Variants in CACNA1C observed in about 807,000 individuals in gnomAD.
CACNA1C encodes the protein calcium voltage-gated channel subunit alpha1 C, also known as voltage-dependent L-type calcium channel subunit alpha-1C.
A neutral mutation model predicts 229.0 loss-of-function variants in CACNA1C; 30 were observed. The observed-to-expected ratio is 0.13, with a 90% CI of 0.10 to 0.18. The LOEUF (loss-of-function observed/expected upper bound fraction) is 0.18, where lower values mean the gene tolerates loss of function less well. Among genes scored for constraint, CACNA1C ranks in the 10% least tolerant of loss-of-function variants. CACNA1C has a pLI of 1.00. For missense variants in CACNA1C, 1,658 were observed against 2,845.0 expected, an observed-to-expected ratio of 0.58 and a Z score of 9.49; for synonymous variants, 1,114 against 1,132.5, an observed-to-expected ratio of 0.98 and a Z score of 0.33.
intron 3 of CACNA1C, among the ~76,000 whole-genome samples, chr12:2,219,832 A>G (rs943911944): frequency 2.0e-5 from 3 of 152,160 alleles, no homozygotes; most frequent in Non-Finnish European, 4.4e-5. Flanking sequence ...GAGTAAGGAA[A>G]TACAAGCAGC....
At chr12:2,268,388 C>T (rs1043759573) in intron 3 of CACNA1C, among the ~76,000 whole-genome samples, 8 of 152,186 alleles carry the variant, frequency 5.3e-5, no homozygotes, top group Non-Finnish European at 1.2e-4. Context: ...ATCGACTTAT[C>T]CAAGGCCTGG....
chr12:2,365,834 C>G (rs904547055), intron 3 of CACNA1C, among the ~76,000 whole-genome samples: 1 of 152,162 alleles, frequency 6.6e-6, no homozygotes, highest in African/African-American at 2.4e-5. Flanking sequence ...AGTGGAATTC[C>G]TACCAGTGGG....
chr12:2,152,232 T>C lies in CACNA1C; in HGVS notation c.477+31802T>C, dbSNP rs377575215. 2.0e-5 allele frequency among the ~76,000 whole-genome samples: 3 copies of C among 152,238 alleles called. No homozygotes were observed. Among genetic ancestry groups the C allele is most frequent in the Middle Eastern group, 3.2e-3 (1 of 316 alleles). On this transcript the variant is annotated intron_variant, in intron 3 of 46. Coordinates refer to ENST00000399655, the MANE Select transcript of CACNA1C (RefSeq NM_000719.7). The surrounding 1 kb of genome is among the most constrained non-coding windows in gnomAD (Gnocchi z 4.2). ...AGAAATGACTGTTACCCAGTGTCTG[T>C]TCTCTACCTCTTTCATAGGGATAGA...
rs1172657912 is a variant in CACNA1C, at chr12:2,605,258, A to G, written c.3048+90A>G. On this transcript the variant is annotated intron_variant, in intron 23 of 46. Transcript: ENST00000399655. The surrounding 1 kb of genome is among the most constrained non-coding windows in gnomAD (Gnocchi z 6.2). The stretch of plus-strand genomic sequence containing the variant: ...GTGAGGGGTGGGTTGGAAGGAGATG[A>G]TGGTCAGACCAAGTGGCTGCCATGT... 3 of 890,340 alleles carry G rather than the reference A, an allele frequency of 3.4e-6. No homozygotes were observed. In the East Asian group the frequency reaches 7.5e-5, roughly 22 times the overall value. 55.2% of individuals were successfully genotyped at this position (890,340 alleles called of 1,614,324 possible).
At chr12:2,591,092 T>C (rs2065088766) in intron 18 of CACNA1C, among the ~76,000 whole-genome samples, 1 of 152,216 alleles carries the variant, frequency 6.6e-6, no homozygotes, top group Non-Finnish European at 1.5e-5. Context: ...GCTGGTCAGC[T>C]CTAATTACCC....
intron 1 of CACNA1C, among the ~76,000 whole-genome samples, chr12:2,028,437 C>T (rs1435284177): frequency 6.6e-6 from 1 of 152,208 alleles, no homozygotes; most frequent in Non-Finnish European, 1.5e-5. Flanking sequence ...TTATAATCTG[C>T]TCAAAGTCAC....
At chr12:2,311,385 G>A (rs990916537) in intron 3 of CACNA1C, among the ~76,000 whole-genome samples, 1 of 152,182 alleles carries the variant, frequency 6.6e-6, no homozygotes. Context: ...AGGCCTGCAA[G>A]CCTGCAATTA....
At chr12:2,379,774 G>A (rs528254400) in intron 3 of CACNA1C, among the ~76,000 whole-genome samples, 28 of 152,154 alleles carry the variant, frequency 1.8e-4, no homozygotes, top group African/African-American at 5.8e-4. Flanking sequence ...GCTCACGCCT[G>A]TAATCCCAGC....
In CACNA1C at chr12:2,486,092, C is replaced by G. The variant is rs2099696286; in HGVS notation, c.758-12C>G. The G allele has an allele frequency of 1.9e-6, 3 of 1,587,442 alleles. No homozygotes were observed. The highest frequency in any genetic ancestry group is 2.6e-6 in the Non-Finnish European group (3 of 1,165,024). ...GTGATGCTTGGTTCAGTGAGTGGCT[C>G]TGTCCCCGCAGGTCTCCAGGTGGTC... is the stretch of plus-strand genomic sequence containing the variant. On this transcript the variant is annotated splice_polypyrimidine_tract_variant and intron_variant, in intron 5 of 46. Transcript: ENST00000399655. This position sits in a 1 kb window ranked among gnomAD's most constrained non-coding sequence, Gnocchi z 4.9.
intron 3 of CACNA1C, among the ~76,000 whole-genome samples, chr12:2,164,990 G>C (rs1310078460): frequency 1.3e-5 from 2 of 152,222 alleles, no homozygotes; most frequent in Admixed American, 1.3e-4. Flanking sequence ...TTTTAAGACA[G>C]TGCCTTTATC....
intron 3 of CACNA1C, among the ~76,000 whole-genome samples, chr12:2,294,935 T>C (rs750492936): frequency 2.0e-5 from 3 of 152,164 alleles, no homozygotes; most frequent in Admixed American, 6.5e-5. Flanking sequence ...AGTGAAGCAA[T>C]GCTGTGCGCA....
At chr12:1,976,118 G>A (rs2154461024) in intron 1 of CACNA1C, among the ~76,000 whole-genome samples, 1 of 152,274 alleles carries the variant, frequency 6.6e-6, no homozygotes, top group South Asian at 2.1e-4. Context: ...TTAGAGTTTA[G>A]ATCCCTTCCT....
intron 1 of CACNA1C, among the ~76,000 whole-genome samples, chr12:2,101,461 C>T (rs2076384538): frequency 6.6e-6 from 1 of 152,194 alleles, no homozygotes; most frequent in African/African-American, 2.4e-5. Flanking sequence ...CCAGGTGGGG[C>T]TGTGGGAGCT....
chr12:2,675,368 A>G (rs10431348), intron 39 of CACNA1C, among the ~76,000 whole-genome samples: 124,498 of 152,146 alleles, frequency 0.82, 51,363 homozygotes, highest in South Asian at 0.88. Context: ...TTCACAGGAA[A>G]CAAGACAATA....
intron 4 of CACNA1C, among the ~76,000 whole-genome samples, chr12:2,453,941 A>G (rs2099400364): frequency 6.6e-6 from 1 of 152,116 alleles, no homozygotes; most frequent in Non-Finnish European, 1.5e-5. Context: ...CTGAGGGTGC[A>G]GCTTTCTCTG....
intron 5 of CACNA1C, among the ~76,000 whole-genome samples, chr12:2,483,461 G>T (rs1050895218): frequency 2.6e-5 from 4 of 152,222 alleles, no homozygotes; most frequent in African/African-American, 9.7e-5. Flanking sequence ...GGATGGAAAA[G>T]CTAACAGTGG....
At chr12:2,061,761 C>A (rs1417964341) in intron 1 of CACNA1C, among the ~76,000 whole-genome samples, 2 of 152,350 alleles carry the variant, frequency 1.3e-5, no homozygotes, top group South Asian at 4.1e-4. Context: ...ACCTGGGCAA[C>A]CAATGTCTCC....
Position 2,004,664 on chromosome 12 carries a change from C to G in CACNA1C, c.139+33463C>G, listed in dbSNP as rs184638057. 946 of 564,564 alleles carry G rather than the reference C, an allele frequency of 1.7e-3. 6 individuals carry two copies. The highest frequency in any genetic ancestry group is 4.7e-4 in the Non-Finnish European group (154 of 325,042). The allele number at this position is 564,564 out of a possible 1,614,324, so 35.0% of individuals were successfully genotyped here. ...GCCACTGGCAACGACAAGCCCAGGC[C>G]TGCCCTCTGCATCCCGTTTCTTTCT... On this transcript the variant is annotated intron_variant, in intron 1 of 46. Coordinates refer to the CACNA1C transcript ENST00000682462.
intron 3 of CACNA1C, among the ~76,000 whole-genome samples, chr12:2,198,970 T>C (rs1393184798): frequency 1.3e-5 from 2 of 152,364 alleles, no homozygotes; most frequent in Non-Finnish European, 2.9e-5. Context: ...AAGTATTGGC[T>C]GCATAAAGTC....
Sources: gnomAD v4.1 joint callset for allele counts (sites outside exome capture counted in the v4.1 genomes callset) on GRCh38, gnomAD v4.1.1 for gene constraint, Gnocchi (gnomAD v3.1) non-coding constraint, MANE v1.5 for transcripts, NCBI Gene and HGNC (gene_info 2026-07-23, HGNC 2026-07-21) for gene names.